The following SLC16A2 variants were observed in gnomAD, a reference collection of about 807,000 sequenced individuals.
The protein encoded by SLC16A2 is monocarboxylate transporter 8.
A neutral mutation model predicts 27.2 loss-of-function variants in SLC16A2; 3 were observed. That is an observed-to-expected ratio of 0.11 (90% confidence interval 0.05 to 0.28). SLC16A2 has a LOEUF of 0.28. Ranked by LOEUF, SLC16A2 falls within the 10% of genes least tolerant of loss-of-function variation. The pLI is 1.00. For missense variants in SLC16A2, 295 were observed against 458.5 expected, an observed-to-expected ratio of 0.64 and a Z score of 3.26; for synonymous variants, 202 against 187.8, an observed-to-expected ratio of 1.08 and a Z score of -0.62.
chrX:74,503,314 T>C (rs1323912647), intron 1 of SLC16A2, among the ~76,000 whole-genome samples: 1 of 111,582 alleles, frequency 9.0e-6, no homozygotes, highest in African/African-American at 3.3e-5. Flanking sequence ...CCATACTGCT[T>C]TCTTTGCTGT....
intron 1 of SLC16A2, among the ~76,000 whole-genome samples, chrX:74,444,686 T>C (rs758158935): frequency 8.9e-6 from 1 of 112,329 alleles, no homozygotes; most frequent in Non-Finnish European, 1.9e-5. Context: ...TGTTGCTTGT[T>C]TTGAAGATCA....
rs748113496 is a variant in SLC16A2, at chrX:74,529,431, C to G, written c.1389C>G (p.Pro463=). 2 of 1,170,402 alleles carry G rather than the reference C, an allele frequency of 1.7e-6. No homozygotes were observed. Among genetic ancestry groups the G allele is most frequent in the African/African-American group, 3.5e-5 (2 of 56,845 alleles). Residue 463 remains proline (P), a synonymous_variant, in exon 5 of 6, where the codon CCC becomes CCG. Coordinates refer to ENST00000587091, the MANE Select transcript of SLC16A2 (RefSeq NM_006517.5). The part of the protein sequence containing the change: ...GMMALPMIAG[P]PIAGLLRNCF... Reference sequence around the variant, plus strand: ...TGGCCCTGCCAATGATTGCTGGGCCCCCCATTGCAGGTGAGGCTGATATTC... The same window carrying G: ...TGGCCCTGCCAATGATTGCTGGGCCGCCCATTGCAGGTGAGGCTGATATTC...
chrX:74,513,050 CTG>C (rs1188190782), intron 1 of SLC16A2, among the ~76,000 whole-genome samples: 3 of 111,562 alleles, frequency 2.7e-5, no homozygotes, highest in Non-Finnish European at 5.6e-5. Flanking sequence ...CTGGGAACCA[CTG>C]AGGAAAAGTG....
rs1411049495 is a variant in SLC16A2 at position 74,533,199 on chromosome X, G to T, written c.*1646G>T. Reference sequence around the variant, plus strand: ...CCAGGAGGATGAGGTTGTCCTGAGGGGCTCCAAAGAAGACAATAGTTCCCA... The same window carrying T: ...CCAGGAGGATGAGGTTGTCCTGAGGTGCTCCAAAGAAGACAATAGTTCCCA... On this transcript the variant is annotated 3_prime_UTR_variant, in exon 6 of 6. Coordinates refer to ENST00000587091, the MANE Select transcript of SLC16A2 (RefSeq NM_006517.5). 8.9e-6 allele frequency: 1 copy of T among 112,069 alleles called. No individual in the cohort carries two copies. Among genetic ancestry groups the T allele is most frequent in the African/African-American group, 3.3e-5 (1 of 30,743 alleles). 9.2% of individuals were successfully genotyped at this position (112,069 alleles called of 1,213,427 possible).
chrX:74,442,278 G>A (rs1269823808), intron 1 of SLC16A2, among the ~76,000 whole-genome samples: 1 of 109,001 alleles, frequency 9.2e-6, no homozygotes, highest in Non-Finnish European at 1.9e-5. Flanking sequence ...CCCAGGAGAA[G>A]GGTGGGTGTC....
chrX:74,506,207 C>A (rs745605146), intron 1 of SLC16A2, among the ~76,000 whole-genome samples: 1 of 111,779 alleles, frequency 8.9e-6, no homozygotes, highest in Non-Finnish European at 1.9e-5. Context: ...CTCCAACCCA[C>A]CATTTAAAGG....
At chrX:74,503,470 G>A (rs1458096163) in intron 1 of SLC16A2, among the ~76,000 whole-genome samples, 2 of 111,307 alleles carry the variant, frequency 1.8e-5, no homozygotes, top group African/African-American at 6.6e-5. Context: ...TACAGATCAG[G>A]CATCAAGGAA....
intron 1 of SLC16A2, among the ~76,000 whole-genome samples, chrX:74,476,155 A>C (rs182816449): frequency 9.0e-6 from 1 of 111,545 alleles, no homozygotes; most frequent in Non-Finnish European, 1.9e-5. Flanking sequence ...CTTTCATTTC[A>C]TCAAGCAGTG....
chrX:74,444,739 C>T (rs1181357521), intron 1 of SLC16A2, among the ~76,000 whole-genome samples: 1 of 112,110 alleles, frequency 8.9e-6, no homozygotes, highest in East Asian at 2.8e-4. Context: ...CCCTAAAGTA[C>T]TGTTCAAAAA....
chrX:74,504,327 C>G (rs780018054), intron 1 of SLC16A2, among the ~76,000 whole-genome samples: 1 of 110,550 alleles, frequency 9.0e-6, no homozygotes, highest in Non-Finnish European at 1.9e-5. Flanking sequence ...CCCATCTTGC[C>G]TCCTGGCATA....
rs966599720 is a variant in SLC16A2, at chrX:74,478,226, C to T, written c.431-42764C>T. On this transcript the variant is annotated intron_variant, in intron 1 of 5. Coordinates refer to ENST00000587091, the MANE Select transcript of SLC16A2 (RefSeq NM_006517.5). ...TTAGCTCTTCTTGTTGAATTGATGCCTTTACCATTATGTAATGGCCTTCTT... is the reference window on the plus strand; with the variant it reads ...TTAGCTCTTCTTGTTGAATTGATGCTTTTACCATTATGTAATGGCCTTCTT... 7.2e-5 allele frequency among the ~76,000 whole-genome samples: 8 copies of T among 111,694 alleles called. 1 individual carries two copies. In the East Asian group the frequency reaches 2.0e-3, roughly 27 times the overall value.
Position 74,524,266 on chromosome X carries a change from G to A in SLC16A2, c.576-93G>A, listed in dbSNP as rs2147870453. Reference sequence around the variant, plus strand: ...TGGCAAGTGGGGCTGTGGGTTAAGGGCGGAGGAATGGAAGTCTCAGGAAGC... The same window carrying A: ...TGGCAAGTGGGGCTGTGGGTTAAGGACGGAGGAATGGAAGTCTCAGGAAGC... On this transcript the variant is annotated intron_variant, in intron 2 of 5. Transcript: ENST00000587091. 5.3e-6 allele frequency: 5 copies of A among 939,486 alleles called. No individual in the cohort carries two copies. The East Asian group carries it at 1.2e-4, about 23-fold the overall frequency. The allele number at this position is 939,486 out of a possible 1,213,427, so 77.4% of individuals were successfully genotyped here. A position where few individuals can be genotyped will look rare whatever the true frequency, so the allele number is the denominator to read the frequency against.
Position 74,519,939 on chromosome X carries a change from A to G in SLC16A2, c.431-1051A>G, listed in dbSNP as rs1037738412. Among the ~76,000 whole-genome samples the G allele has an allele frequency of 3.6e-5, 4 of 111,036 alleles. No homozygotes were observed. The South Asian group carries it at 1.2e-3, about 32-fold the overall frequency. ...TTAAGGTCTCCTGCTGTCCCAGGCT[A>G]GTACTTTTGAAGCCAGGCAGAGAGG... On this transcript the variant is annotated intron_variant, in intron 1 of 5. Transcript: ENST00000587091.
At chrX:74,452,780 A>G (rs999271276) in intron 1 of SLC16A2, among the ~76,000 whole-genome samples, 1 of 111,186 alleles carries the variant, frequency 9.0e-6, no homozygotes, top group Non-Finnish European at 1.9e-5. Context: ...TCCTCTGGAC[A>G]CAGTCAAGTT....
intron 1 of SLC16A2, among the ~76,000 whole-genome samples, chrX:74,449,382 G>A (rs1156726651): frequency 8.9e-6 from 1 of 112,095 alleles, no homozygotes; most frequent in Non-Finnish European, 1.9e-5. Flanking sequence ...CTCATTCCCT[G>A]CCTTCATTCA....
At chrX:74,471,306 G>A (rs1929352197) in intron 1 of SLC16A2, among the ~76,000 whole-genome samples, 1 of 111,646 alleles carries the variant, frequency 9.0e-6, no homozygotes, top group Admixed American at 9.5e-5. Flanking sequence ...TGTTATTTTA[G>A]GATTAGGAAT....
chrX:74,435,228 G>A (rs1226821483), intron 1 of SLC16A2, among the ~76,000 whole-genome samples: 1 of 110,202 alleles, frequency 9.1e-6, no homozygotes, highest in Admixed American at 9.8e-5. Flanking sequence ...GTCACATCAA[G>A]TGCTATGTTG....
At chrX:74,426,873 G>A (rs1928410798) in intron 1 of SLC16A2, among the ~76,000 whole-genome samples, 2 of 112,097 alleles carry the variant, frequency 1.8e-5, no homozygotes, top group African/African-American at 6.5e-5. Context: ...ATTTCCCCAC[G>A]TCATTTGTAT....
chrX:74,527,589 G>A (rs1370006911), intron 4 of SLC16A2, among the ~76,000 whole-genome samples: 1 of 112,243 alleles, frequency 8.9e-6, no homozygotes, highest in Admixed American at 9.4e-5. Flanking sequence ...AGGAAATAGC[G>A]ACAGGCTGCA....
Sources: gnomAD v4.1 joint callset for allele counts (sites outside exome capture counted in the v4.1 genomes callset) on GRCh38, gnomAD v4.1.1 for gene constraint, MANE v1.5 for transcripts, NCBI Gene and HGNC (gene_info 2026-07-23, HGNC 2026-07-21) for gene names.